The following NPTN variants were observed in gnomAD, a reference collection of about 807,000 sequenced individuals.
NPTN encodes the protein SDR-1.
NPTN carries 5 observed loss-of-function variants against 42.7 expected under a neutral mutation model. The observed-to-expected ratio is 0.12, with a 90% CI of 0.06 to 0.25. The LOEUF (loss-of-function observed/expected upper bound fraction) is 0.25, where lower values mean the gene tolerates loss of function less well. Among genes scored for constraint, NPTN ranks in the 10% least tolerant of loss-of-function variants. The pLI, the probability that NPTN is intolerant of heterozygous loss-of-function variation, is 1.00. For synonymous variants in NPTN, 180 were observed against 201.9 expected (o/e 0.89, Z 0.92); for missense variants, 307 against 525.4 (o/e 0.58, Z 4.06).
At chr15:73,561,847 C>T (rs1333536236) in intron 8 of NPTN, 49 bp downstream of exon 8, 2 of 1,303,998 alleles carry the variant, frequency 1.5e-6, no homozygotes, top group African/African-American at 1.5e-5. Context: ...AATAGAGGCA[C>T]ATTCATTTGA....
At position 73,593,875 on chromosome 15, in the gene NPTN, T is replaced by G. The variant is rs573688774; in HGVS notation, c.440-1738A>C. Among the ~76,000 whole-genome samples, 61 of 152,258 alleles carry G rather than the reference T, an allele frequency of 4.0e-4. 1 individual carries two copies. The highest frequency in any genetic ancestry group is 1.4e-3 in the African/African-American group (59 of 41,552). Reference sequence around the variant, plus strand: ...AGCCACTAAGACAGAAGCAGATGCATGTAAACACGTTAGCGCAGTGGTGTC... The same window carrying G: ...AGCCACTAAGACAGAAGCAGATGCAGGTAAACACGTTAGCGCAGTGGTGTC... On this transcript the variant is annotated intron_variant, in intron 2 of 8. Coordinates refer to ENST00000345330, the MANE Select transcript of NPTN (RefSeq NM_012428.4).
At chr15:73,571,131 T>C (rs1233592723) in intron 5 of NPTN, among the ~76,000 whole-genome samples, 3 of 151,628 alleles carry the variant, frequency 2.0e-5, no homozygotes, top group African/African-American at 7.3e-5. Context: ...AAATCAAAAA[T>C]AAAATTAGCT....
intron 1 of NPTN, among the ~76,000 whole-genome samples, chr15:73,605,099 A>AGGCGGG (rs1402136743): frequency 2.1e-4 from 25 of 121,682 alleles, no homozygotes; most frequent in African/African-American, 8.1e-4. Flanking sequence ...CCCTGTCTCA[A>AGGCGGG]GGGGGGGGGG....
chr15:73,586,392 T>C (rs1896320873), intron 4 of NPTN, among the ~76,000 whole-genome samples: 1 of 152,208 alleles, frequency 6.6e-6, no homozygotes. Context: ...AAATGCTAAG[T>C]TCTCTGGCCC....
At chr15:73,631,835 C>G (rs1271329642) in intron 1 of NPTN, among the ~76,000 whole-genome samples, 2 of 152,194 alleles carry the variant, frequency 1.3e-5, no homozygotes, top group Non-Finnish European at 2.9e-5. Flanking sequence ...AATTCAGCAG[C>G]TGAATGCTAA....
chr15:73,620,979 A>C (rs1187346823), intron 1 of NPTN, among the ~76,000 whole-genome samples: 1 of 152,184 alleles, frequency 6.6e-6, no homozygotes. Context: ...TTTATATTAC[A>C]TTTAGGACAT....
rs147929018 is a variant in NPTN, at chr15:73,565,073, A to G, written c.1115-1816T>C. Among the ~76,000 whole-genome samples the G allele has an allele frequency of 1.8e-4, 27 of 152,274 alleles. No individual in the cohort carries two copies. In the East Asian group the frequency reaches 5.0e-3, roughly 28 times the overall value. On this transcript the variant is annotated intron_variant, in intron 6 of 8. Transcript: ENST00000345330. ...AGTAATGTCACTTTCCAGCCCAACA[A>G]GCTGGTAACATGCAAAGGGTTGCAT...
chr15:73,568,213 C>T (rs1315483550), intron 6 of NPTN: 1 of 985,406 alleles, frequency 1.0e-6, no homozygotes, highest in Non-Finnish European at 1.2e-6. Context: ...ATAGCAACCT[C>T]ATAAGCGCGG....
At chr15:73,624,769 T>G (rs761893070) in intron 1 of NPTN, among the ~76,000 whole-genome samples, 1 of 152,192 alleles carries the variant, frequency 6.6e-6, no homozygotes, top group Non-Finnish European at 1.5e-5. Context: ...AGTAAAGCAT[T>G]TGGCTTAGAA....
Position 73,560,231 on chromosome 15 carries a change from C to A in NPTN, c.*832G>T. On this transcript the variant is annotated 3_prime_UTR_variant, in exon 9 of 9. Coordinates refer to ENST00000345330, the MANE Select transcript of NPTN (RefSeq NM_012428.4). ...ATAACTATAGTTGCATAGAATATTA[C>A]CATGCTATAACATTTCAAGGTCATT... is the stretch of plus-strand genomic sequence containing the variant. 1 of 196,116 alleles carries A rather than the reference C, an allele frequency of 5.1e-6. No individual in the cohort carries two copies. The highest frequency in any genetic ancestry group is 1.0e-5 in the Non-Finnish European group (1 of 97,348). The allele number at this position is 196,116 out of a possible 1,614,324, so 12.1% of individuals were successfully genotyped here.
intron 4 of NPTN, among the ~76,000 whole-genome samples, chr15:73,583,546 C>CTATTCT (rs905681525): frequency 2.0e-5 from 3 of 152,148 alleles, no homozygotes; most frequent in African/African-American, 7.2e-5. Flanking sequence ...ATAATGTTAG[C>CTATTCT]TATTCTTATT....
intron 1 of NPTN, among the ~76,000 whole-genome samples, chr15:73,626,068 A>G (rs773210132): frequency 1.3e-5 from 2 of 152,220 alleles, no homozygotes; most frequent in Non-Finnish European, 2.9e-5. Context: ...TAAAAAATGC[A>G]TAAGGGACTG....
Position 73,569,200 on chromosome 15 carries a change from G to T in NPTN, c.1114+950C>A, listed in dbSNP as rs147134152. 6 of 985,518 alleles carry T rather than the reference G, an allele frequency of 6.1e-6. No homozygotes were observed. In the African/African-American group the frequency reaches 8.7e-5, roughly 14 times the overall value. 61.0% of individuals were successfully genotyped at this position (985,518 alleles called of 1,614,324 possible). ...ACAGTCGGCCAATTAATTTCTGTAC[G>T]CCGGTCATGTTATAGGGTGGGGATG... On this transcript the variant is annotated intron_variant, in intron 6 of 8. Transcript: ENST00000345330. This position sits in a 1 kb window ranked among gnomAD's most constrained non-coding sequence, Gnocchi z 4.1.
In NPTN at chr15:73,569,161, G is replaced by C; in HGVS notation, c.1114+989C>G. 1 of 985,506 alleles carries C rather than the reference G, an allele frequency of 1.0e-6. No individual in the cohort carries two copies. Among genetic ancestry groups the C allele is most frequent in the Non-Finnish European group, 1.2e-6 (1 of 829,996 alleles). The allele number at this position is 985,506 out of a possible 1,614,324, so 61.0% of individuals were successfully genotyped here. A position where few individuals can be genotyped will look rare whatever the true frequency, so the allele number is the denominator to read the frequency against. ...CATCTGTCTAGTCTAGCCAGGGACAGACTAGTGGTGGTAACAGTCGGCCAA... is the reference window on the plus strand; with the variant it reads ...CATCTGTCTAGTCTAGCCAGGGACACACTAGTGGTGGTAACAGTCGGCCAA... On this transcript the variant is annotated intron_variant, in intron 6 of 8. Coordinates refer to ENST00000345330, the MANE Select transcript of NPTN (RefSeq NM_012428.4). This position sits in a 1 kb window ranked among gnomAD's most constrained non-coding sequence, Gnocchi z 4.1.
Position 73,563,135 on chromosome 15 carries a change from A to C in NPTN, c.1136+101T>G. ...TACACTGCAACCTTCATTTCCACTC[A>C]CTGTCTTCCCCTCCAATCTTAGCTA... On this transcript the variant is annotated intron_variant, in intron 7 of 8. Coordinates refer to ENST00000345330, the MANE Select transcript of NPTN (RefSeq NM_012428.4). 5.9e-6 allele frequency: 5 copies of C among 852,284 alleles called. No homozygotes were observed. The Admixed American group carries it at 7.8e-5, about 13-fold the overall frequency. The allele number at this position is 852,284 out of a possible 1,614,324, so 52.8% of individuals were successfully genotyped here.
intron 1 of NPTN, among the ~76,000 whole-genome samples, chr15:73,614,429 G>A (rs1259437951): frequency 6.6e-6 from 1 of 152,150 alleles, no homozygotes; most frequent in Non-Finnish European, 1.5e-5. Flanking sequence ...GACTGGAATG[G>A]ACAATTTCTA....
chr15:73,561,123 A>C (rs924539745), intron 8 of NPTN, 75 bp from the exon 9 acceptor site: 1 of 152,344 alleles, frequency 6.6e-6, no homozygotes, highest in African/African-American at 2.4e-5. Context: ...TGTGCCACAC[A>C]AAACTTTGGT....
At chr15:73,600,748 T>C (rs556808499) in intron 1 of NPTN, among the ~76,000 whole-genome samples, 8 of 152,312 alleles carry the variant, frequency 5.3e-5, no homozygotes, top group East Asian at 1.9e-4. Context: ...CTTTGACCAA[T>C]TGTGCAACAT....
intron 6 of NPTN, among the ~76,000 whole-genome samples, chr15:73,563,927 C>G (rs1894834368): frequency 6.6e-6 from 1 of 152,176 alleles, no homozygotes; most frequent in South Asian, 2.1e-4. Context: ...GTGGTGACAT[C>G]CCTCTAGAAA....
Sources: allele counts gnomAD v4.1 joint callset (sites outside exome capture counted in the v4.1 genomes callset), GRCh38; gene constraint gnomAD v4.1.1; non-coding constraint Gnocchi (gnomAD v3.1); transcripts MANE v1.5; gene names NCBI Gene and HGNC (gene_info 2026-07-23, HGNC 2026-07-21).